Variants in AFF1 observed in about 807,000 individuals in gnomAD.
AFF1 encodes the protein ALF transcription elongation factor 1.
In AFF1, 48 loss-of-function variants were observed where a neutral mutation model predicts 121.7. The observed-to-expected ratio is 0.39, with a 90% CI of 0.31 to 0.50. The LOEUF (loss-of-function observed/expected upper bound fraction) is 0.50, where lower values mean the gene tolerates loss of function less well. Among genes scored for constraint, AFF1 ranks in the 20% least tolerant of loss-of-function variants. The pLI is 0.76. For missense variants in AFF1, 1,523 were observed against 1,511.7 expected, an observed-to-expected ratio of 1.01 and a Z score of -0.12; for synonymous variants, 613 against 563.0, an observed-to-expected ratio of 1.09 and a Z score of -1.26.
intron 2 of AFF1, among the ~76,000 whole-genome samples, chr4:87,022,574 A>C (rs1240575034): frequency 8.4e-5 from 7 of 82,974 alleles, no homozygotes; most frequent in Admixed American, 2.6e-4. Flanking sequence ...ATATATATAT[A>C]TATATATATC....
chr4:87,008,047 C>A (rs978308666), intron 2 of AFF1, among the ~76,000 whole-genome samples: 4 of 149,068 alleles, frequency 2.7e-5, no homozygotes, highest in African/African-American at 4.8e-5. Context: ...CCCCGTCTTT[C>A]CATGGTTTGT....
At chr4:87,084,876 G>A (rs1393327273) in intron 5 of AFF1, among the ~76,000 whole-genome samples, 4 of 152,194 alleles carry the variant, frequency 2.6e-5, no homozygotes, top group Non-Finnish European at 5.9e-5. Context: ...ATTGATGTGT[G>A]GGAGGCACCA....
chr4:87,006,860 C>G, intron 2 of AFF1: 2 of 699,430 alleles, frequency 2.9e-6, no homozygotes, highest in Non-Finnish European at 3.6e-6. Context: ...ACCCTGCCTG[C>G]CGCTTGCCGC....
chr4:87,093,258 C>G (rs2149720076), intron 7 of AFF1, among the ~76,000 whole-genome samples: 1 of 152,278 alleles, frequency 6.6e-6, no homozygotes, highest in Middle Eastern at 3.4e-3. Flanking sequence ...CTGCTTACCC[C>G]CACATCTTTT....
At position 87,114,757 on chromosome 4, in the gene AFF1, C is replaced by G. The variant is rs371689758; in HGVS notation, c.1924C>G (p.Arg642Gly). The change falls in exon 12 of 21, where the codon CGA becomes GGA. Residue 642 changes from arginine (R) to glycine (G), a missense_variant. By Grantham distance (125) the Arg-to-Gly change is moderately radical. This residue lies in a region of AFF1 where 905 missense variants were observed against 842.5 expected (regional missense o/e 1.07). Transcript: ENST00000395146. The part of the protein sequence containing the change: ...REPGLLPYGS[R>G]DQTSKDKPKV... ...GCCAGGGCTTCTTCCCTATGGCTCCCGAGACCAGACTTCCAAAGACAAGCC... is the reference window on the plus strand; with the variant it reads ...GCCAGGGCTTCTTCCCTATGGCTCCGGAGACCAGACTTCCAAAGACAAGCC... The G allele has an allele frequency of 1.2e-6, 2 of 1,613,340 alleles. No homozygotes were observed. Among genetic ancestry groups the G allele is most frequent in the African/African-American group, 1.3e-5 (1 of 74,794 alleles).
At chr4:87,132,472 T>C (rs1728924904) in intron 19 of AFF1, 64 bp downstream of exon 19, 7 of 1,512,646 alleles carry the variant, frequency 4.6e-6, no homozygotes, top group Admixed American at 2.2e-5. Flanking sequence ...ACTTCTTGCT[T>C]TTGCAACCAT....
At chr4:87,072,316 T>C (rs1578193862) in intron 4 of AFF1, among the ~76,000 whole-genome samples, 1 of 132,290 alleles carries the variant, frequency 7.6e-6, no homozygotes, top group East Asian at 2.3e-4. Flanking sequence ...TGAGCCAAGA[T>C]CACACCACTG....
chr4:87,135,722 A>G lies in AFF1; in HGVS notation c.*21A>G, dbSNP rs1188976611. ...CTTAATGGAGCCCCAGGTTGATTCA[A>G]TGCCTTGGGAACTATTTTTGCACAT... On this transcript the variant is annotated 3_prime_UTR_variant, in exon 21 of 21. Transcript: ENST00000395146. 4 of 1,604,262 alleles carry G rather than the reference A, an allele frequency of 2.5e-6. No individual in the cohort carries two copies. The highest frequency in any genetic ancestry group is 3.3e-4 in the Middle Eastern group (2 of 6,024).
At chr4:86,975,053 T>C (rs889597433) in intron 2 of AFF1, among the ~76,000 whole-genome samples, 6 of 152,224 alleles carry the variant, frequency 3.9e-5, no homozygotes, top group Non-Finnish European at 8.8e-5. Flanking sequence ...CAAGTCTCTT[T>C]GCAACCCAAT....
At chr4:86,947,471 C>G (rs1186723738) in intron 1 of AFF1, among the ~76,000 whole-genome samples, 4 of 152,114 alleles carry the variant, frequency 2.6e-5, no homozygotes, top group Non-Finnish European at 1.5e-5. Context: ...TAAACAGAGG[C>G]AAGTTAAAAT....
chr4:87,064,526 G>T (rs1465578749), intron 4 of AFF1, among the ~76,000 whole-genome samples: 1 of 152,126 alleles, frequency 6.6e-6, no homozygotes. Flanking sequence ...AGGATTCCTC[G>T]AGCCCAGGAG....
chr4:86,978,582 G>C (rs543325742), intron 2 of AFF1, among the ~76,000 whole-genome samples: 4 of 151,246 alleles, frequency 2.6e-5, no homozygotes, highest in Admixed American at 2.6e-4. Context: ...TTGCTCTGTT[G>C]CCCAAGCTGG....
At chr4:87,088,245 AAC>A (rs1723933013) in intron 5 of AFF1, among the ~76,000 whole-genome samples, 1 of 152,218 alleles carries the variant, frequency 6.6e-6, no homozygotes, top group Non-Finnish European at 1.5e-5. Context: ...TTGTGTCCTG[AAC>A]AAAGCAGATG....
chr4:87,132,722 G>C (rs1172057792), intron 19 of AFF1, among the ~76,000 whole-genome samples: 1 of 152,098 alleles, frequency 6.6e-6, no homozygotes, highest in East Asian at 1.9e-4. Flanking sequence ...ACAGAGTCTT[G>C]CTCTGTCTCC....
chr4:86,942,936 A>AACAGTTATT (rs1442213119), intron 1 of AFF1, among the ~76,000 whole-genome samples: 1 of 152,232 alleles, frequency 6.6e-6, no homozygotes, highest in African/African-American at 2.4e-5. Flanking sequence ...TATTAATTTA[A>AACAGTTATT]ACAGTTATTA....
rs1729621845 is a variant in AFF1, at chr4:87,140,363, A to ATGTGTGTG, written c.*4665_*4666insGTGTGTGT. The ATGTGTGTG allele has an allele frequency of 1.0e-5, 2 of 195,282 alleles. No individual in the cohort carries two copies. Among genetic ancestry groups the ATGTGTGTG allele is most frequent in the African/African-American group, 4.6e-5 (2 of 43,108 alleles). The allele number at this position is 195,282 out of a possible 1,614,324, so 12.1% of individuals were successfully genotyped here. A position where few individuals can be genotyped will look rare whatever the true frequency, so the allele number is the denominator to read the frequency against. ...TGGGGTTGTGTGTGTGTATGTGTGT[A>ATGTGTGTG]TGTACGCACGCATGTGTCCCAAATC... On this transcript the variant is annotated 3_prime_UTR_variant, in exon 21 of 21. Transcript: ENST00000395146.
At chr4:87,009,069 A>G (rs1272812724) in intron 2 of AFF1, among the ~76,000 whole-genome samples, 3 of 152,250 alleles carry the variant, frequency 2.0e-5, no homozygotes, top group African/African-American at 7.2e-5. Context: ...GAGAGATTCA[A>G]TGCCAGCGCT....
At chr4:87,122,577 C>A (rs781002009) in intron 12 of AFF1, among the ~76,000 whole-genome samples, 1 of 152,138 alleles carries the variant, frequency 6.6e-6, no homozygotes, top group African/African-American at 2.4e-5. Flanking sequence ...GTTTAGAACT[C>A]GGTTGCTTAT....
intron 2 of AFF1, among the ~76,000 whole-genome samples, chr4:86,969,596 A>T (rs891747199): frequency 2.8e-5 from 4 of 143,906 alleles, no homozygotes; most frequent in African/African-American, 1.0e-4. Flanking sequence ...AAAGGGTAAG[A>T]TAGGCCCGGC....
Sources: allele counts gnomAD v4.1 joint callset (sites outside exome capture counted in the v4.1 genomes callset), GRCh38; gene constraint gnomAD v4.1.1; regional missense constraint gnomAD v4.1.1; transcripts MANE v1.5; gene names NCBI Gene and HGNC (gene_info 2026-07-23, HGNC 2026-07-21).